Variants in MYH11 observed in about 807,000 individuals in gnomAD.
The protein encoded by MYH11 is myosin heavy chain 11.
MYH11 carries 80 observed loss-of-function variants against 246.6 expected under a neutral mutation model. That is an observed-to-expected ratio of 0.32 (90% confidence interval 0.27 to 0.39). The LOEUF (loss-of-function observed/expected upper bound fraction) is 0.39, where lower values mean the gene tolerates loss of function less well. MYH11 is among the 10% of genes least tolerant of loss of function. The probability of loss-of-function intolerance (pLI) is 1.00; values close to 1 mark genes in which losing one functional copy is unlikely to be tolerated. For missense variants in MYH11, 2,158 were observed against 2,546.8 expected, an observed-to-expected ratio of 0.85 and a Z score of 3.29; for synonymous variants, 1,071 against 1,015.5, an observed-to-expected ratio of 1.05 and a Z score of -1.04.
chr16:15,755,781 A>C (rs909744379), intron 14 of MYH11, among the ~76,000 whole-genome samples: 11 of 152,130 alleles, frequency 7.2e-5, no homozygotes, highest in Non-Finnish European at 1.5e-4. Flanking sequence ...AAAATACAAA[A>C]ATTAGCTGGG....
chr16:15,720,421 G>T (rs1177731465), intron 33 of MYH11, 109 bp from the exon 34 acceptor site: 4 of 1,420,302 alleles, frequency 2.8e-6, no homozygotes, highest in Non-Finnish European at 2.9e-6. Flanking sequence ...CCCCTTGTGA[G>T]GTGGGCATCT....
At chr16:15,781,217 C>G (rs2042345812) in intron 6 of MYH11, among the ~76,000 whole-genome samples, 1 of 152,196 alleles carries the variant, frequency 6.6e-6, no homozygotes, top group Admixed American at 6.5e-5. Context: ...GAAATGCACA[C>G]TTTCATTATG....
At chr16:15,780,966 T>C (rs1425585170) in intron 6 of MYH11, among the ~76,000 whole-genome samples, 1 of 152,206 alleles carries the variant, frequency 6.6e-6, no homozygotes, top group African/African-American at 2.4e-5. Flanking sequence ...TTGACCCTTT[T>C]CCTTGTATTT....
chr16:15,717,273 C>T lies in MYH11; in HGVS notation c.5371G>A (p.Glu1791Lys), dbSNP rs368269107. 5.2e-5 allele frequency: 84 copies of T among 1,613,798 alleles called. No individual in the cohort carries two copies. Among genetic ancestry groups the T allele is most frequent in the Non-Finnish European group, 6.5e-5 (77 of 1,180,044 alleles). The part of the protein sequence containing the change: ...QKNESARQQL[E>K]RQNKELRSKL... The stretch of plus-strand genomic sequence containing the variant: ...CTCCGGAGCTCCTTGTTCTGCCGCT[C>T]GAGCTGCTGCCGGGCACTCTCATTC... Residue 1791 changes from glutamate to lysine, a missense_variant, in exon 38 of 41, where the codon GAG becomes AAG. Glu to Lys is a moderately conservative substitution (Grantham distance 56). Around this residue, in one of 11 missense-constraint regions of MYH11, gnomAD observed 1,013 missense variants for 993.5 expected, o/e 1.02. Coordinates refer to ENST00000300036, the MANE Select transcript of MYH11 (RefSeq NM_002474.3).
At chr16:15,798,182 C>T (rs2042788611) in intron 4 of MYH11, among the ~76,000 whole-genome samples, 1 of 152,194 alleles carries the variant, frequency 6.6e-6, no homozygotes, top group Admixed American at 6.5e-5. Flanking sequence ...TTACTATCTT[C>T]TGCCTATGTA....
At chr16:15,731,047 C>T (rs1394399297) in intron 27 of MYH11, among the ~76,000 whole-genome samples, 1 of 152,034 alleles carries the variant, frequency 6.6e-6, no homozygotes, top group Non-Finnish European at 1.5e-5. Flanking sequence ...ATCTGAAAGT[C>T]CTGGGCTCAA....
chr16:15,742,998 CTTT>C lies in MYH11; in HGVS notation c.2521-1110_2521-1108del, dbSNP rs57274938. Among the ~76,000 whole-genome samples the C allele has an allele frequency of 5.3e-4, 70 of 131,166 alleles. 1 individual carries two copies. The South Asian group carries it at 7.7e-3, about 14-fold the overall frequency. The allele number at this position is 131,166 out of a possible 152,430, so 86.0% of individuals were successfully genotyped here. A position where few individuals can be genotyped will look rare whatever the true frequency, so the allele number is the denominator to read the frequency against. ...TCCAACTAGACAGCTAGGTAGAAGT[CTTT>C]TTTTTTTTTTTTTTTAGCAGACCTA... On this transcript the variant is annotated intron_variant, in intron 20 of 40. Coordinates refer to ENST00000300036, the MANE Select transcript of MYH11 (RefSeq NM_002474.3).
chr16:15,754,502 A>T (rs572846113), intron 14 of MYH11, among the ~76,000 whole-genome samples: 92 of 152,176 alleles, frequency 6.0e-4, no homozygotes, highest in African/African-American at 1.0e-3. Context: ...AAATAATAAT[A>T]AAAAAAATCC....
chr16:15,786,548 T>A, intron 5 of MYH11, 82 bp downstream of exon 5: 1 of 1,276,496 alleles, frequency 7.8e-7, no homozygotes, highest in Non-Finnish European at 1.1e-6. Context: ...CTTGCAATGA[T>A]GTTCTGTTTG....
rs769309834 is a variant in MYH11 at position 15,714,891 on chromosome 16, G to A, written c.5786+18C>T. On this transcript the variant is annotated intron_variant, in intron 40 of 40. Coordinates refer to ENST00000300036, the MANE Select transcript of MYH11 (RefSeq NM_002474.3). The stretch of plus-strand genomic sequence containing the variant: ...CTGGCCTGAGAGACGGGGTCCTCCC[G>A]GGCCACGGGCTCCTCACCTGAGCTT... The A allele has an allele frequency of 1.5e-5, 24 of 1,612,604 alleles. No individual in the cohort carries two copies. The highest frequency in any genetic ancestry group is 6.7e-5 in the African/African-American group (5 of 74,876).
chr16:15,783,217 C>T (rs13332091), intron 5 of MYH11: 29,586 of 152,274 alleles, frequency 0.19, 3,153 homozygotes, highest in Middle Eastern at 0.24. Context: ...GGAAAGCAAA[C>T]GAGCTGCTCT....
rs5815842 is a variant in MYH11 at position 15,703,925 on chromosome 16, G to GT, written c.*65dup. The GT allele has an allele frequency of 5.0e-3, 7,999 of 1,606,278 alleles. 333 individuals carry two copies. In the African/African-American group the frequency reaches 0.094, roughly 19 times the overall value. On this transcript the variant is annotated 3_prime_UTR_variant, in exon 41 of 41. Coordinates refer to ENST00000300036, the MANE Select transcript of MYH11 (RefSeq NM_002474.3). ...TTGCTTTGTTCTGGGTTGTTGTTGG[G>GT]TTTTTTTTGTTTGTTTGTTTTGGTT...
At chr16:15,829,520 C>T (rs924403963) in intron 2 of MYH11, among the ~76,000 whole-genome samples, 4 of 152,186 alleles carry the variant, frequency 2.6e-5, no homozygotes, top group East Asian at 1.9e-4. Context: ...TCCTTCACCT[C>T]GACCCAGCCC....
chr16:15,811,866 G>A (rs1450360356), intron 3 of MYH11, among the ~76,000 whole-genome samples: 1 of 152,038 alleles, frequency 6.6e-6, no homozygotes, highest in African/African-American at 2.4e-5. Context: ...ATGAGGTGAG[G>A]ACAAAACATT....
Position 15,826,501 on chromosome 16 carries a change from T to C in MYH11, c.346-3090A>G, listed in dbSNP as rs149919103. On this transcript the variant is annotated intron_variant, in intron 2 of 40. Coordinates refer to ENST00000300036, the MANE Select transcript of MYH11 (RefSeq NM_002474.3). The stretch of plus-strand genomic sequence containing the variant: ...CCACTTGGGAGGCTGAGGTGGGAGG[T>C]TTGCTTAAGCCTGGGAGGTTGAGGT... 8.0e-5 allele frequency among the ~76,000 whole-genome samples: 12 copies of C among 150,276 alleles called. No individual in the cohort carries two copies. The East Asian group carries it at 2.4e-3, about 30-fold the overall frequency.
chr16:15,726,883 G>C lies in MYH11; in HGVS notation c.3823C>G (p.Arg1275Gly), dbSNP rs1182738877. ...QSKCSDGERA[R>G]AELNDKVHKL... ...TGGACTTTGTCATTGAGCTCCGCCC[G>C]GGCCCGCTCCCCATCGCTGCACTTG... The change falls in exon 28 of 41, where the codon CGG becomes GGG. Residue 1275 changes from arginine to glycine, a missense_variant. By Grantham distance (125) the Arg-to-Gly change is moderately radical. Transcript: ENST00000300036. The C allele has an allele frequency of 3.1e-6, 5 of 1,612,268 alleles. No homozygotes were observed. The highest frequency in any genetic ancestry group is 4.2e-6 in the Non-Finnish European group (5 of 1,179,996).
intron 40 of MYH11, among the ~76,000 whole-genome samples, chr16:15,706,604 G>T (rs1235037800): frequency 6.6e-6 from 1 of 152,120 alleles, no homozygotes; most frequent in Non-Finnish European, 1.5e-5. Flanking sequence ...TCACTCAGGA[G>T]GCTGAGGCAG....
intron 9 of MYH11, among the ~76,000 whole-genome samples, chr16:15,769,706 C>A (rs1180340620): frequency 6.6e-6 from 1 of 152,242 alleles, no homozygotes; most frequent in Non-Finnish European, 1.5e-5. Flanking sequence ...GAATTACAGG[C>A]GTGAGCCACC....
chr16:15,720,711 C>T lies in MYH11; in HGVS notation c.4791+128G>A, dbSNP rs762823600. On this transcript the variant is annotated intron_variant, in intron 33 of 40. Coordinates refer to ENST00000300036, the MANE Select transcript of MYH11 (RefSeq NM_002474.3). Reference sequence around the variant, plus strand: ...TTACGCCACTGCACTCCAGCCTGGGCGACAGAGCGAGACTCTGTTTCAAAA... The same window carrying T: ...TTACGCCACTGCACTCCAGCCTGGGTGACAGAGCGAGACTCTGTTTCAAAA... 239 of 1,043,720 alleles carry T rather than the reference C, an allele frequency of 2.3e-4. 1 individual carries two copies. The Middle Eastern group carries it at 2.9e-3, about 13-fold the overall frequency. The allele number at this position is 1,043,720 out of a possible 1,614,324, so 64.7% of individuals were successfully genotyped here. A position where few individuals can be genotyped will look rare whatever the true frequency, so the allele number is the denominator to read the frequency against.
Sources: gnomAD v4.1 joint callset for allele counts (sites outside exome capture counted in the v4.1 genomes callset) on GRCh38, gnomAD v4.1.1 for gene constraint, gnomAD v4.1.1 regional missense constraint, MANE v1.5 for transcripts, NCBI Gene and HGNC (gene_info 2026-07-23, HGNC 2026-07-21) for gene names.